The following PDGFD variants were observed in gnomAD, a reference collection of about 807,000 sequenced individuals.
PDGFD encodes the protein platelet derived growth factor D.
A neutral mutation model predicts 44.7 loss-of-function variants in PDGFD; 30 were observed. The observed-to-expected ratio is 0.67, with a 90% CI of 0.50 to 0.91. The LOEUF (loss-of-function observed/expected upper bound fraction) is 0.91. Ranked by LOEUF, PDGFD falls within the 40% of genes least tolerant of loss-of-function variation. The pLI, the probability that PDGFD is intolerant of heterozygous loss-of-function variation, is 0.00. For missense variants in PDGFD, 445 were observed against 457.8 expected, an observed-to-expected ratio of 0.97 and a Z score of 0.25; for synonymous variants, 173 against 168.4, an observed-to-expected ratio of 1.03 and a Z score of -0.21.
chr11:104,140,163 G>A (rs1591183464), intron 1 of PDGFD, among the ~76,000 whole-genome samples: 1 of 152,168 alleles, frequency 6.6e-6, no homozygotes, highest in East Asian at 1.9e-4. Flanking sequence ...AGGCAAGTGT[G>A]CAAATTAAAT....
At chr11:104,054,272 T>G (rs866511285) in intron 1 of PDGFD, among the ~76,000 whole-genome samples, 120 of 152,346 alleles carry the variant, frequency 7.9e-4, no homozygotes, top group Middle Eastern at 3.4e-3. Flanking sequence ...ATATCCTTCA[T>G]AGTTTGGCTA....
intron 1 of PDGFD, among the ~76,000 whole-genome samples, chr11:104,074,918 A>G (rs780394885): frequency 3.9e-5 from 6 of 152,244 alleles, no homozygotes; most frequent in Non-Finnish European, 7.3e-5. Flanking sequence ...ACAGGTTTAT[A>G]AATTATTTAA....
intron 4 of PDGFD, among the ~76,000 whole-genome samples, chr11:103,943,910 T>C (rs993578083): frequency 1.6e-5 from 2 of 122,726 alleles, no homozygotes; most frequent in African/African-American, 8.4e-5. Context: ...TTAAGTGTAA[T>C]CATCTAAAAA....
At chr11:103,992,079 A>G (rs1419738960) in intron 3 of PDGFD, among the ~76,000 whole-genome samples, 3 of 152,238 alleles carry the variant, frequency 2.0e-5, no homozygotes, top group African/African-American at 7.2e-5. Context: ...TTAGATAATC[A>G]TATCTCGCTA....
At chr11:104,132,493 C>T (rs1861939123) in intron 1 of PDGFD, among the ~76,000 whole-genome samples, 1 of 151,952 alleles carries the variant, frequency 6.6e-6, no homozygotes, top group South Asian at 2.1e-4. Flanking sequence ...TAAGTGGGGG[C>T]TCTTCTTTCA....
intron 1 of PDGFD, chr11:104,036,741 G>A (rs987030327): frequency 3.7e-6 from 4 of 1,081,052 alleles, no homozygotes; most frequent in Admixed American, 2.0e-5. Context: ...GAGGAGCAGC[G>A]GCACCAACGA....
chr11:104,035,561 CTTT>C (rs3050598), intron 1 of PDGFD, among the ~76,000 whole-genome samples: 9,297 of 115,268 alleles, frequency 0.081, 271 homozygotes, highest in Middle Eastern at 0.14. Context: ...ACTTCTTTTT[CTTT>C]TTTTTTTTTT....
chr11:103,920,068 G>T (rs1419125919), intron 6 of PDGFD, among the ~76,000 whole-genome samples: 1 of 152,188 alleles, frequency 6.6e-6, no homozygotes, highest in African/African-American at 2.4e-5. Flanking sequence ...GGCTGGCATT[G>T]TAACAGAAGG....
intron 1 of PDGFD, among the ~76,000 whole-genome samples, chr11:104,134,852 G>A (rs1861979448): frequency 6.6e-6 from 1 of 152,178 alleles, no homozygotes; most frequent in Non-Finnish European, 1.5e-5. Context: ...TCCTTCTGAA[G>A]GCACAAACTG....
At chr11:103,948,245 T>C (rs1019130953) in intron 3 of PDGFD, among the ~76,000 whole-genome samples, 2 of 152,212 alleles carry the variant, frequency 1.3e-5, no homozygotes, top group African/African-American at 4.8e-5. Flanking sequence ...TTTTCAACGA[T>C]ACACTAACTT....
intron 6 of PDGFD, among the ~76,000 whole-genome samples, chr11:103,919,666 G>A (rs1404898929): frequency 1.3e-5 from 2 of 151,790 alleles, no homozygotes; most frequent in Non-Finnish European, 2.9e-5. Context: ...GTGCCACCAC[G>A]CCTGGCTAAT....
chr11:103,930,376 C>G (rs1858382640), intron 5 of PDGFD, among the ~76,000 whole-genome samples: 1 of 152,048 alleles, frequency 6.6e-6, no homozygotes, highest in Non-Finnish European at 1.5e-5. Flanking sequence ...TTTATAGTTT[C>G]TAATATTAGG....
At chr11:104,158,233 G>A (rs1390693098) in intron 1 of PDGFD, among the ~76,000 whole-genome samples, 2 of 152,206 alleles carry the variant, frequency 1.3e-5, no homozygotes, top group Non-Finnish European at 2.9e-5. Context: ...ACACATATGT[G>A]AAGAAGAAGT....
intron 1 of PDGFD, among the ~76,000 whole-genome samples, chr11:104,142,468 ATATC>A (rs1256264002): frequency 2.6e-5 from 4 of 152,178 alleles, no homozygotes; most frequent in African/African-American, 7.2e-5. Context: ...ATATGTACAC[ATATC>A]TATTAGAGAT....
intron 6 of PDGFD, among the ~76,000 whole-genome samples, chr11:103,921,586 C>A (rs558153298): frequency 6.6e-6 from 1 of 150,458 alleles, no homozygotes; most frequent in South Asian, 2.1e-4. Flanking sequence ...AATACCCCCC[C>A]ATAAACCCAC....
chr11:103,925,704 G>GAC (rs541658858), intron 6 of PDGFD, among the ~76,000 whole-genome samples: 51,209 of 105,250 alleles, frequency 0.49, 12,588 homozygotes, highest in Admixed American at 0.66. Flanking sequence ...TATATACACA[G>GAC]ACACACACAC....
At chr11:104,122,718 A>G (rs1473096313) in intron 1 of PDGFD, among the ~76,000 whole-genome samples, 1 of 88,508 alleles carries the variant, frequency 1.1e-5, no homozygotes, top group Non-Finnish European at 2.2e-5. Flanking sequence ...TAATACAAAC[A>G]ATTTTTTTTT....
chr11:103,909,877 G>A, intron 6 of PDGFD, 58 bp from the exon 7 acceptor site: 1 of 1,604,838 alleles, frequency 6.2e-7, no homozygotes, highest in East Asian at 2.2e-5. Context: ...TCAGTCAGAT[G>A]CCACCTACTT....
At position 103,926,906 on chromosome 11, in the gene PDGFD, A is replaced by T; in HGVS notation, c.987+6T>A. 1 of 1,611,390 alleles carries T rather than the reference A, an allele frequency of 6.2e-7. No individual in the cohort carries two copies. Among genetic ancestry groups the T allele is most frequent in the Non-Finnish European group, 8.5e-7 (1 of 1,178,192 alleles). ...CATTGCAACAAGAAATCTAAGAATG[A>T]CATACCTCATGATACTTTTTCACGG... is the stretch of plus-strand genomic sequence containing the variant. On this transcript the variant is annotated splice_donor_region_variant and intron_variant, in intron 6 of 6. Transcript: ENST00000393158.
Sources: allele counts gnomAD v4.1 joint callset (sites outside exome capture counted in the v4.1 genomes callset), GRCh38; gene constraint gnomAD v4.1.1; transcripts MANE v1.5; gene names NCBI Gene and HGNC (gene_info 2026-07-23, HGNC 2026-07-21).